The following ARAP2 variants were observed in gnomAD, a reference collection of about 807,000 sequenced individuals.
ARAP2 encodes the protein ArfGAP with RhoGAP domain, ankyrin repeat and PH domain 2, also known as arf-GAP with Rho-GAP domain, ANK repeat and PH domain-containing protein 2.
Under a neutral mutation model 194.5 loss-of-function variants are expected in ARAP2, and 148 were observed. The observed-to-expected ratio is 0.76, with a 90% CI of 0.67 to 0.87. The LOEUF (loss-of-function observed/expected upper bound fraction) is 0.87, where lower values mean the gene tolerates loss of function less well. Ranked by LOEUF, ARAP2 falls within the 40% of genes least tolerant of loss-of-function variation. The pLI is 0.00. For synonymous variants in ARAP2, 695 were observed against 683.5 expected, an observed-to-expected ratio of 1.02 and a Z score of -0.26; for missense variants, 2,128 against 1,989.7, an observed-to-expected ratio of 1.07 and a Z score of -1.32.
chr4:36,166,172 G>A (rs573687319), intron 10 of ARAP2, among the ~76,000 whole-genome samples: 2 of 152,204 alleles, frequency 1.3e-5, no homozygotes, highest in East Asian at 3.9e-4. Flanking sequence ...ACAATTGACA[G>A]TATATTTGAA....
intron 28 of ARAP2, among the ~76,000 whole-genome samples, chr4:36,084,471 G>C (rs896984578): frequency 2.7e-4 from 41 of 152,030 alleles, no homozygotes; most frequent in African/African-American, 9.6e-4. Flanking sequence ...TTTCTATACT[G>C]TTTGGATTTC....
intron 1 of ARAP2, among the ~76,000 whole-genome samples, chr4:36,236,499 A>G (rs1560741613): frequency 6.6e-6 from 1 of 152,224 alleles, no homozygotes; most frequent in African/African-American, 2.4e-5. Flanking sequence ...ACCACTGAAA[A>G]ATCAGAAACA....
intron 3 of ARAP2, among the ~76,000 whole-genome samples, chr4:36,048,274 A>C (rs1250331289): frequency 6.6e-6 from 1 of 152,190 alleles, no homozygotes; most frequent in African/African-American, 2.4e-5. Flanking sequence ...GTACATAAGC[A>C]GGTTTGTCAC....
chr4:36,029,770 T>G (rs1718607460), intron 5 of ARAP2, among the ~76,000 whole-genome samples: 1 of 152,014 alleles, frequency 6.6e-6, no homozygotes, highest in African/African-American at 2.4e-5. Flanking sequence ...TGACAATACC[T>G]TTAATAATGT....
chr4:36,126,884 C>T (rs1724060188), intron 21 of ARAP2, among the ~76,000 whole-genome samples: 1 of 152,010 alleles, frequency 6.6e-6, no homozygotes, highest in Non-Finnish European at 1.5e-5. Context: ...GTCACCCAGG[C>T]TGGAGTACAG....
At chr4:36,228,553 T>A (rs1185504784) in intron 2 of ARAP2, 29 bp downstream of exon 2, 1 of 1,519,458 alleles carries the variant, frequency 6.6e-7, no homozygotes, top group Non-Finnish European at 8.8e-7. Context: ...TCAAATTGAA[T>A]ATTTACAGCT....
At chr4:36,018,435 C>T (rs944347262) in intron 6 of ARAP2, among the ~76,000 whole-genome samples, 1 of 99,940 alleles carries the variant, frequency 1.0e-5, no homozygotes, top group Admixed American at 1.2e-4. Context: ...AGAGACAACT[C>T]ACTCAATATC....
intron 29 of ARAP2, among the ~76,000 whole-genome samples, chr4:36,082,548 A>G (rs1560389822): frequency 6.6e-6 from 1 of 152,154 alleles, no homozygotes; most frequent in Non-Finnish European, 1.5e-5. Context: ...TCTTAACTGA[A>G]TAAGGCCAAA....
In ARAP2 at chr4:36,013,646, A is replaced by G. The variant is rs189470184; in HGVS notation, n.1057-815T>C. On this transcript the variant is annotated intron_variant and non_coding_transcript_variant, in intron 8 of 12. Coordinates refer to the ARAP2 transcript ENST00000503225. ...GAATTTAAGGAAACTATGACAGATC[A>G]TAGCAGGAAATGACCTCATATGAAG... Among the ~76,000 whole-genome samples, 3 of 152,344 alleles carry G rather than the reference A, an allele frequency of 2.0e-5. No individual in the cohort carries two copies. In the East Asian group the frequency reaches 5.8e-4, roughly 29 times the overall value.
chr4:36,046,782 A>C (rs974100767), exon 4 of ARAP2: 1 of 152,280 alleles, frequency 6.6e-6, no homozygotes, highest in Non-Finnish European at 1.5e-5. Flanking sequence ...TCCAGGCCAG[A>C]GTAGAGCAAG....
chr4:36,077,893 T>A (rs961419827), intron 31 of ARAP2, among the ~76,000 whole-genome samples: 1 of 152,130 alleles, frequency 6.6e-6, no homozygotes, highest in African/African-American at 2.4e-5. Flanking sequence ...TCCTGAATGA[T>A]CCTTCCTGGA....
intron 10 of ARAP2, chr4:36,005,707 G>T (rs955744516): frequency 6.6e-6 from 1 of 152,086 alleles, no homozygotes; most frequent in Admixed American, 6.6e-5. Context: ...AGAAAATCTA[G>T]TAAATCATGT....
At chr4:36,207,552 T>C (rs1745830190) in intron 6 of ARAP2, among the ~76,000 whole-genome samples, 1 of 152,234 alleles carries the variant, frequency 6.6e-6, no homozygotes, top group Non-Finnish European at 1.5e-5. Flanking sequence ...ATATTAGGCA[T>C]TGATTCAGAA....
intron 6 of ARAP2, among the ~76,000 whole-genome samples, chr4:36,201,291 G>T (rs1287365582): frequency 4.6e-5 from 7 of 152,192 alleles, no homozygotes; most frequent in South Asian, 2.1e-4. Flanking sequence ...CCCAAAGACT[G>T]CTCTTAACTG....
At chr4:36,068,340 G>C (rs565308675) in intron 32 of ARAP2, 62 bp from the exon 33 acceptor site, 4 of 1,473,308 alleles carry the variant, frequency 2.7e-6, no homozygotes, top group Non-Finnish European at 3.6e-6. Context: ...GGTTTAGAAA[G>C]TGCAATCCAC....
chr4:36,228,462 G>C, intron 2 of ARAP2, 120 bp downstream of exon 2: 1 of 1,021,652 alleles, frequency 9.8e-7, no homozygotes, highest in Non-Finnish European at 1.4e-6. Flanking sequence ...AGAAAAGGTT[G>C]GTTGAATAGG....
intron 21 of ARAP2, among the ~76,000 whole-genome samples, chr4:36,127,531 C>G (rs192534900): frequency 6.6e-6 from 1 of 151,948 alleles, no homozygotes; most frequent in Non-Finnish European, 1.5e-5. Context: ...TTAAATATAT[C>G]ACTTGTTTTA....
chr4:36,131,798 T>C (rs1725515706), intron 20 of ARAP2, among the ~76,000 whole-genome samples: 1 of 151,792 alleles, frequency 6.6e-6, no homozygotes, highest in South Asian at 2.1e-4. Flanking sequence ...GTGATTCATG[T>C]ATAGCTGCAA....
At chr4:36,165,182 T>G (rs1454675832) in intron 10 of ARAP2, 69 bp from the exon 11 acceptor site, 1 of 1,461,808 alleles carries the variant, frequency 6.8e-7, no homozygotes, top group Admixed American at 1.8e-5. Flanking sequence ...ATGTTCAGTT[T>G]GCATATTCAT....
Sources: allele counts gnomAD v4.1 joint callset (sites outside exome capture counted in the v4.1 genomes callset), GRCh38; gene constraint gnomAD v4.1.1; transcripts MANE v1.5; gene names NCBI Gene and HGNC (gene_info 2026-07-23, HGNC 2026-07-21).